RNGTT: variants seen among roughly 807,000 people sequenced by gnomAD.
RNGTT encodes the protein RNA guanylyltransferase and 5'-phosphatase, also known as mRNA-capping enzyme.
RNGTT carries 33 observed loss-of-function variants against 79.3 expected under a neutral mutation model. That is an observed-to-expected ratio of 0.42 (90% confidence interval 0.32 to 0.56). The LOEUF (loss-of-function observed/expected upper bound fraction) is 0.56. Among genes scored for constraint, RNGTT ranks in the 20% least tolerant of loss-of-function variants. The pLI, the probability that RNGTT is intolerant of heterozygous loss-of-function variation, is 0.17. For synonymous variants in RNGTT, 222 were observed against 235.9 expected (o/e 0.94, Z 0.54); for missense variants, 497 against 739.1 (o/e 0.67, Z 3.80).
At chr6:88,625,392 G>A (rs1016497426) in intron 14 of RNGTT, among the ~76,000 whole-genome samples, 1 of 151,916 alleles carries the variant, frequency 6.6e-6, no homozygotes, top group Non-Finnish European at 1.5e-5. Flanking sequence ...TACTACTCAG[G>A]AATAAGAACT....
intron 4 of RNGTT, among the ~76,000 whole-genome samples, chr6:88,928,746 T>C (rs775895730): frequency 8.5e-5 from 13 of 152,206 alleles, no homozygotes; most frequent in African/African-American, 2.2e-4. Context: ...GTGTTTAGGA[T>C]AGACTTTCCC....
chr6:88,626,592 C>T (rs917050085), intron 14 of RNGTT, among the ~76,000 whole-genome samples: 16 of 152,036 alleles, frequency 1.1e-4, no homozygotes, highest in Admixed American at 4.6e-4. Context: ...TCTTCACTTC[C>T]CAAATGCACG....
intron 13 of RNGTT, among the ~76,000 whole-genome samples, chr6:88,757,771 T>TTTTGAAGTCACACTATAAGA (rs1397340280): frequency 6.6e-6 from 1 of 152,150 alleles, no homozygotes; most frequent in African/African-American, 2.4e-5. Flanking sequence ...CAAAGACATA[T>TTTTGAAGTCACACTATAAGA]TTTGAAGTCA....
At chr6:88,840,115 A>G (rs1437270048) in intron 11 of RNGTT, among the ~76,000 whole-genome samples, 2 of 152,214 alleles carry the variant, frequency 1.3e-5, no homozygotes, top group Non-Finnish European at 2.9e-5. Flanking sequence ...AATGATCTAT[A>G]CTTCCCTGAA....
intron 12 of RNGTT, among the ~76,000 whole-genome samples, chr6:88,793,823 G>A (rs1465726214): frequency 6.6e-6 from 1 of 152,038 alleles, no homozygotes; most frequent in Non-Finnish European, 1.5e-5. Flanking sequence ...ATCATGGCAG[G>A]AGAAAAAAAT....
intron 1 of RNGTT, among the ~76,000 whole-genome samples, chr6:88,943,561 A>T (rs1197633467): frequency 6.6e-6 from 1 of 152,006 alleles, no homozygotes; most frequent in Non-Finnish European, 1.5e-5. Flanking sequence ...CATTAGTGAA[A>T]AGGAAAAAAA....
intron 13 of RNGTT, among the ~76,000 whole-genome samples, chr6:88,723,707 T>C (rs977598340): frequency 6.6e-6 from 1 of 152,150 alleles, no homozygotes; most frequent in African/African-American, 2.4e-5. Flanking sequence ...TTTTATACAG[T>C]TCTACAATGT....
At chr6:88,682,972 G>T (rs1775147092) in intron 13 of RNGTT, among the ~76,000 whole-genome samples, 1 of 151,956 alleles carries the variant, frequency 6.6e-6, no homozygotes, top group South Asian at 2.1e-4. Context: ...AAACTTGTAG[G>T]TTGCAGTTAA....
intron 14 of RNGTT, among the ~76,000 whole-genome samples, chr6:88,663,448 G>A (rs1774265230): frequency 1.3e-5 from 2 of 152,172 alleles, no homozygotes; most frequent in South Asian, 2.1e-4. Flanking sequence ...GTTGCAGCTA[G>A]TTTTAGACCC....
intron 12 of RNGTT, among the ~76,000 whole-genome samples, chr6:88,770,133 T>C (rs887964734): frequency 2.0e-5 from 3 of 152,200 alleles, no homozygotes; most frequent in Admixed American, 6.5e-5. Context: ...AACCTTCCTA[T>C]GACTTAAAAG....
At chr6:88,670,933 G>A (rs971649236) in intron 14 of RNGTT, among the ~76,000 whole-genome samples, 2 of 152,120 alleles carry the variant, frequency 1.3e-5, no homozygotes, top group African/African-American at 2.4e-5. Context: ...GGTTTTGTCT[G>A]TGACTGTTCC....
At chr6:88,915,472 T>C (rs1783970178) in intron 4 of RNGTT, among the ~76,000 whole-genome samples, 1 of 152,220 alleles carries the variant, frequency 6.6e-6, no homozygotes, top group Non-Finnish European at 1.5e-5. Flanking sequence ...CGCAGTAACA[T>C]GGATGCAGCT....
At chr6:88,922,813 T>A (rs1240971184) in intron 4 of RNGTT, among the ~76,000 whole-genome samples, 1 of 152,156 alleles carries the variant, frequency 6.6e-6, no homozygotes, top group Non-Finnish European at 1.5e-5. Context: ...AAGTTAATGT[T>A]TCAAACCAGG....
intron 13 of RNGTT, among the ~76,000 whole-genome samples, chr6:88,727,106 G>A (rs944768224): frequency 4.6e-5 from 7 of 152,060 alleles, no homozygotes; most frequent in Non-Finnish European, 1.0e-4. Flanking sequence ...TCAGAAAGTT[G>A]AGGCATGTCA....
At chr6:88,647,715 A>AAAAAAAAAAAAAAAAAAAGAAG (rs531898293) in intron 14 of RNGTT, among the ~76,000 whole-genome samples, 38 of 142,428 alleles carry the variant, frequency 2.7e-4, no homozygotes, top group African/African-American at 1.1e-3. Context: ...AAAAAAAAAA[A>AAAAAAAAAAAAAAAAAAAGAAG]AAGAAGAAGA....
chr6:88,899,825 C>T (rs1407525719), intron 6 of RNGTT, among the ~76,000 whole-genome samples: 1 of 152,128 alleles, frequency 6.6e-6, no homozygotes, highest in African/African-American at 2.4e-5. Context: ...AGTAATATCA[C>T]AGCAATGGGA....
intron 12 of RNGTT, among the ~76,000 whole-genome samples, chr6:88,796,475 A>C (rs1562257435): frequency 6.6e-6 from 1 of 152,224 alleles, no homozygotes; most frequent in African/African-American, 2.4e-5. Flanking sequence ...TTTTTAAATA[A>C]GGAATAAATA....
At chr6:88,761,579 A>G (rs1778257596) in intron 13 of RNGTT, among the ~76,000 whole-genome samples, 1 of 152,126 alleles carries the variant, frequency 6.6e-6, no homozygotes, top group African/African-American at 2.4e-5. Flanking sequence ...CAATACTACT[A>G]CAACCATGTA....
intron 4 of RNGTT, among the ~76,000 whole-genome samples, chr6:88,915,135 G>A (rs565731226): frequency 1.3e-5 from 2 of 151,550 alleles, no homozygotes; most frequent in African/African-American, 4.9e-5. Context: ...TGGAGAGGCT[G>A]CAGAGAAAAG....
Sources: gnomAD v4.1 joint callset for allele counts (sites outside exome capture counted in the v4.1 genomes callset) on GRCh38, gnomAD v4.1.1 for gene constraint, MANE v1.5 for transcripts, NCBI Gene and HGNC (gene_info 2026-07-23, HGNC 2026-07-21) for gene names.